MRPS9: variants seen among roughly 807,000 people sequenced by gnomAD.
MRPS9 encodes small ribosomal subunit protein uS9m.
MRPS9 carries 45 observed loss-of-function variants against 59.9 expected under a neutral mutation model. The ratio of observed to expected loss-of-function variants is 0.75; its 90% CI spans 0.59 to 0.96. The LOEUF is 0.96. Among genes scored for constraint, MRPS9 ranks in the 40% least tolerant of loss-of-function variants. The pLI is 0.00. For synonymous variants in MRPS9, 171 were observed against 166.8 expected, an observed-to-expected ratio of 1.03 and a Z score of -0.19; for missense variants, 473 against 481.1, an observed-to-expected ratio of 0.98 and a Z score of 0.16.
chr2:105,096,464 C>T (rs1680661804), intron 9 of MRPS9, among the ~76,000 whole-genome samples: 1 of 152,020 alleles, frequency 6.6e-6, no homozygotes, highest in South Asian at 2.1e-4. Context: ...GGAGAAAGTC[C>T]AGGGCCGTGT....
In MRPS9 at chr2:105,071,319, A is replaced by G. The variant is rs1558757287; in HGVS notation, c.322A>G (p.Ile108Val). 1.2e-6 allele frequency: 2 copies of G among 1,609,988 alleles called. No homozygotes were observed. Among genetic ancestry groups the G allele is most frequent in the South Asian group, 1.1e-5 (1 of 90,410 alleles). Residue 108 changes from isoleucine (I) to valine (V), a missense_variant, in exon 3 of 11, where the codon ATT becomes GTT. Transcript: ENST00000258455. ...CCTTTGTGTATATTTTCAGAGAGCTATTGCTTACCTTTTCCCAAGTGGTTT... is the reference window on the plus strand; with the variant it reads ...CCTTTGTGTATATTTTCAGAGAGCTGTTGCTTACCTTTTCCCAAGTGGTTT... The part of the protein sequence containing the change: ...TFTQEDIDRA[I>V]AYLFPSGLFE...
chr2:105,041,935 A>G (rs1679508783), intron 1 of MRPS9, among the ~76,000 whole-genome samples: 1 of 152,150 alleles, frequency 6.6e-6, no homozygotes, highest in South Asian at 2.1e-4. Flanking sequence ...TTTCTTATAT[A>G]ATAAGAGCTT....
intron 5 of MRPS9, among the ~76,000 whole-genome samples, chr2:105,088,245 T>C (rs61017376): frequency 0.014 from 2,123 of 152,320 alleles, 33 homozygotes; most frequent in Middle Eastern, 0.041. Context: ...AGTGTTAGTC[T>C]CAAAAAGTTA....
chr2:105,068,704 T>C (rs75959116), intron 2 of MRPS9, among the ~76,000 whole-genome samples: 2,685 of 152,304 alleles, frequency 0.018, 80 homozygotes, highest in African/African-American at 0.062. Context: ...TCCCCCTGTA[T>C]TTATACGTCT....
At chr2:105,093,779 G>A (rs1680606576) in intron 9 of MRPS9, 141 bp downstream of exon 9, 2 of 473,524 alleles carry the variant, frequency 4.2e-6, no homozygotes, top group African/African-American at 2.0e-5. Context: ...TATCAAACTA[G>A]CTAATTGAAG....
chr2:105,069,360 G>A (rs553102828), intron 2 of MRPS9, among the ~76,000 whole-genome samples: 83 of 151,812 alleles, frequency 5.5e-4, no homozygotes, highest in African/African-American at 1.7e-3. Flanking sequence ...GATTACAGGC[G>A]CCCGCCACCA....
intron 5 of MRPS9, among the ~76,000 whole-genome samples, chr2:105,084,071 C>T (rs1680400005): frequency 6.6e-6 from 1 of 152,108 alleles, no homozygotes; most frequent in Non-Finnish European, 1.5e-5. Flanking sequence ...AAGCTCCCCT[C>T]ATCCCAGTCT....
At chr2:105,097,670 G>T (rs559719792) in intron 10 of MRPS9, among the ~76,000 whole-genome samples, 224 of 152,292 alleles carry the variant, frequency 1.5e-3, no homozygotes, top group Non-Finnish European at 2.6e-3. Context: ...GAGACAAATT[G>T]CTTGTTTTTG....
At chr2:105,061,490 G>A (rs1329334177) in intron 2 of MRPS9, among the ~76,000 whole-genome samples, 1 of 152,196 alleles carries the variant, frequency 6.6e-6, no homozygotes. Flanking sequence ...AGTAACTTCA[G>A]CAAGACAGTG....
chr2:105,044,440 C>G lies in MRPS9; in HGVS notation c.136-4731C>G, dbSNP rs17030558. On this transcript the variant is annotated intron_variant, in intron 1 of 10. Coordinates refer to ENST00000258455, the MANE Select transcript of MRPS9 (RefSeq NM_182640.3). ...TTTAATAAACATATTCAATATCCTG[C>G]TACTGATGCTGTGATAACTTTGTAA... is the stretch of plus-strand genomic sequence containing the variant. 3.2e-3 allele frequency among the ~76,000 whole-genome samples: 493 copies of G among 152,230 alleles called. 3 individuals are homozygous for G. Among genetic ancestry groups the G allele is most frequent in the African/African-American group, 0.011 (467 of 41,536 alleles).
chr2:105,070,750 C>T (rs1336787239), intron 2 of MRPS9, among the ~76,000 whole-genome samples: 1 of 152,144 alleles, frequency 6.6e-6, no homozygotes, highest in Admixed American at 6.5e-5. Flanking sequence ...ACTAAATGAC[C>T]TGCAGTATGG....
chr2:105,080,282 A>G (rs966067122), intron 5 of MRPS9, among the ~76,000 whole-genome samples: 1 of 152,190 alleles, frequency 6.6e-6, no homozygotes, highest in African/African-American at 2.4e-5. Context: ...TGTCTTTAAA[A>G]TGCTTTTACT....
At chr2:105,057,100 A>G (rs1280721727) in intron 2 of MRPS9, among the ~76,000 whole-genome samples, 1 of 152,196 alleles carries the variant, frequency 6.6e-6, no homozygotes, top group Non-Finnish European at 1.5e-5. Context: ...TCTTCATTTC[A>G]AAGTAGTTTG....
chr2:105,042,602 G>C (rs1229879857), intron 1 of MRPS9, among the ~76,000 whole-genome samples: 1 of 152,182 alleles, frequency 6.6e-6, no homozygotes, highest in Admixed American at 6.5e-5. Context: ...ACCTATGTGT[G>C]TGCACATGTG....
chr2:105,087,926 C>T (rs962212030), intron 5 of MRPS9, among the ~76,000 whole-genome samples: 5 of 152,018 alleles, frequency 3.3e-5, no homozygotes, highest in Non-Finnish European at 7.4e-5. Flanking sequence ...ATTTCTCCTA[C>T]ACTTAGATAA....
At chr2:105,049,437 T>C (rs887635823) in intron 2 of MRPS9, 87 bp downstream of exon 2, 1 of 1,147,542 alleles carries the variant, frequency 8.7e-7, no homozygotes, top group African/African-American at 1.6e-5. Context: ...CTTAGCTCTG[T>C]GTTTTAATCA....
At chr2:105,085,040 A>G (rs1053685532) in intron 5 of MRPS9, among the ~76,000 whole-genome samples, 3 of 152,206 alleles carry the variant, frequency 2.0e-5, no homozygotes, top group Non-Finnish European at 4.4e-5. Flanking sequence ...CTTTCAGGTC[A>G]TCACTCCTGG....
rs573768623 is a variant in MRPS9 at position 105,091,841 on chromosome 2, G to T, written c.652-560G>T. ...CAAGGATAATTTATTTCAAGAGGTT[G>T]CCCTTTAAGTCAAGTATCTCTTGAA... On this transcript the variant is annotated intron_variant, in intron 7 of 10. Coordinates refer to ENST00000258455, the MANE Select transcript of MRPS9 (RefSeq NM_182640.3). Among the ~76,000 whole-genome samples, 22 of 152,242 alleles carry T rather than the reference G, an allele frequency of 1.4e-4. No homozygotes were observed. The South Asian group carries it at 4.6e-3, about 32-fold the overall frequency.
chr2:105,088,766 C>G (rs541717738), intron 5 of MRPS9, among the ~76,000 whole-genome samples: 2 of 152,046 alleles, frequency 1.3e-5, no homozygotes, highest in East Asian at 3.9e-4. Context: ...TGATGTATGA[C>G]ACTAAATTCT....
Sources: gnomAD v4.1 joint callset for allele counts (sites outside exome capture counted in the v4.1 genomes callset) on GRCh38, gnomAD v4.1.1 for gene constraint, MANE v1.5 for transcripts, NCBI Gene and HGNC (gene_info 2026-07-23, HGNC 2026-07-21) for gene names.